Variants in TTBK2 observed in about 807,000 individuals in gnomAD.
TTBK2 encodes the protein tau-tubulin kinase 2.
A neutral mutation model predicts 110.8 loss-of-function variants in TTBK2; 28 were observed. The observed-to-expected ratio is 0.25, with a 90% confidence interval of 0.19 to 0.35. TTBK2 has a LOEUF of 0.35. Among genes scored for constraint, TTBK2 ranks in the 10% least tolerant of loss-of-function variants. TTBK2 has a pLI of 1.00. For synonymous variants in TTBK2, 532 were observed against 527.3 expected (o/e 1.01, Z -0.12); for missense variants, 1,369 against 1,500.3 (o/e 0.91, Z 1.45).
intron 2 of TTBK2, among the ~76,000 whole-genome samples, chr15:42,873,123 T>C (rs2141118538): frequency 6.6e-6 from 1 of 152,244 alleles, no homozygotes; most frequent in South Asian, 2.1e-4. Context: ...AGGAAGACTT[T>C]TTAAACTTTT....
intron 1 of TTBK2, chr15:42,919,720 T>C (rs1206486680): frequency 1.1e-6 from 1 of 883,802 alleles, no homozygotes; most frequent in Non-Finnish European, 1.4e-6. Flanking sequence ...ACCCATCAAC[T>C]TTAATTCAAA....
intron 1 of TTBK2, among the ~76,000 whole-genome samples, chr15:42,888,882 A>G (rs1895346112): frequency 6.6e-6 from 1 of 152,054 alleles, no homozygotes. Flanking sequence ...TCTGTCCCTC[A>G]TGGCCAGTTT....
chr15:42,775,698 T>C lies in TTBK2; in HGVS notation c.1435A>G (p.Ser479Gly), dbSNP rs745797698. Residue 479 changes from serine (S) to glycine (G), a missense_variant, in exon 13 of 15, where the codon AGT becomes GGT. Ser to Gly is a moderately conservative substitution (Grantham distance 56). Around this residue, in one of 4 missense-constraint regions of TTBK2, gnomAD observed 1,097 missense variants for 1,114.7 expected, o/e 0.98. Coordinates refer to ENST00000267890, the MANE Select transcript of TTBK2 (RefSeq NM_173500.4). ...TCLEKMQKDT[S>G]AGKESILPAL... is the part of the protein sequence containing the mutation. ...GGGAGAATAGATTCTTTTCCTGCAC[T>C]GGTATCTTTCTGCATTTTCTCCAGG... is the stretch of plus-strand genomic sequence containing the variant. The C allele has an allele frequency of 6.2e-7, 1 of 1,612,882 alleles. No homozygotes were observed. Among genetic ancestry groups the C allele is most frequent in the Admixed American group, 1.7e-5 (1 of 59,954 alleles).
At chr15:42,898,088 G>A (rs1297255463) in intron 1 of TTBK2, among the ~76,000 whole-genome samples, 1 of 152,134 alleles carries the variant, frequency 6.6e-6, no homozygotes, top group East Asian at 1.9e-4. Flanking sequence ...CTACTTAGGA[G>A]GCTGAGCCAG....
At chr15:42,912,396 C>G (rs1390968494) in intron 1 of TTBK2, among the ~76,000 whole-genome samples, 1 of 152,194 alleles carries the variant, frequency 6.6e-6, no homozygotes, top group East Asian at 1.9e-4. Flanking sequence ...TTATAACTGT[C>G]ATATAGTTTA....
At chr15:42,861,800 A>C (rs1894168475) in intron 3 of TTBK2, among the ~76,000 whole-genome samples, 2 of 152,220 alleles carry the variant, frequency 1.3e-5, no homozygotes, top group African/African-American at 4.8e-5. Context: ...CAATGAAATA[A>C]AGAGCTAATT....
At chr15:42,901,740 T>C (rs2030030538) in intron 1 of TTBK2, among the ~76,000 whole-genome samples, 1 of 151,762 alleles carries the variant, frequency 6.6e-6, no homozygotes. Flanking sequence ...ATATATCTGA[T>C]AAGGGATTAA....
In TTBK2 at chr15:42,751,994, C is replaced by T. The variant is rs770974842; in HGVS notation, c.3252G>A (p.Thr1084=). The stretch of plus-strand genomic sequence containing the variant: ...ATTACCTGGCTTCTACTCCAGGCCT[C>T]GTGGGTGGCTTTCCTGGTGGTGGCC... ...FPRPPPGKPP[T]RPGVEARLRR... Residue 1084 remains threonine (T), a synonymous_variant, in exon 14 of 15, where the codon ACG becomes ACA. Coordinates refer to ENST00000267890, the MANE Select transcript of TTBK2 (RefSeq NM_173500.4). 7 of 1,613,986 alleles carry T rather than the reference C, an allele frequency of 4.3e-6. No individual in the cohort carries two copies. The highest frequency in any genetic ancestry group is 1.7e-5 in the Admixed American group (1 of 59,996).
chr15:42,756,406 T>G (rs1017178781), intron 13 of TTBK2, among the ~76,000 whole-genome samples: 7 of 151,568 alleles, frequency 4.6e-5, no homozygotes, highest in African/African-American at 1.7e-4. Context: ...GCCAACATGG[T>G]GAAACCCTCT....
intron 4 of TTBK2, among the ~76,000 whole-genome samples, chr15:42,837,633 C>T (rs7171705): frequency 0.018 from 2,213 of 123,568 alleles, 62 homozygotes; most frequent in African/African-American, 0.064. Flanking sequence ...CACTCCTGCC[C>T]GGTGACAGAG....
At chr15:42,884,767 C>G (rs1895178062) in intron 1 of TTBK2, among the ~76,000 whole-genome samples, 1 of 152,174 alleles carries the variant, frequency 6.6e-6, no homozygotes, top group African/African-American at 2.4e-5. Context: ...AGTGTCAGGC[C>G]TCTGAGCCCA....
intron 3 of TTBK2, among the ~76,000 whole-genome samples, chr15:42,850,516 G>A (rs1041715029): frequency 2.0e-5 from 3 of 152,154 alleles, no homozygotes; most frequent in Admixed American, 2.0e-4. Flanking sequence ...TGCATTCAGT[G>A]GGAGAGACAG....
chr15:42,748,475 T>C (rs117070020), intron 14 of TTBK2, among the ~76,000 whole-genome samples: 3,719 of 151,542 alleles, frequency 0.025, 84 homozygotes, highest in South Asian at 0.087. Flanking sequence ...AAAAAAAAAC[T>C]AACCCAATAG....
intron 10 of TTBK2, among the ~76,000 whole-genome samples, chr15:42,792,527 A>G (rs1890738595): frequency 6.6e-6 from 1 of 151,846 alleles, no homozygotes; most frequent in African/African-American, 2.4e-5. Context: ...ACTTTTTAGT[A>G]TTTTCCTTAT....
At chr15:42,860,564 G>A (rs1234277678) in intron 3 of TTBK2, among the ~76,000 whole-genome samples, 2 of 151,140 alleles carry the variant, frequency 1.3e-5, no homozygotes, top group Non-Finnish European at 2.9e-5. Flanking sequence ...TGAACTCCTT[G>A]AGCCCAGGAG....
At chr15:42,851,690 G>C (rs1323764182) in intron 3 of TTBK2, among the ~76,000 whole-genome samples, 1 of 151,730 alleles carries the variant, frequency 6.6e-6, no homozygotes, top group African/African-American at 2.4e-5. Flanking sequence ...ATATGTGTGC[G>C]TATATATGTG....
intron 1 of TTBK2, among the ~76,000 whole-genome samples, chr15:42,893,711 A>T (rs1022802484): frequency 6.6e-6 from 1 of 152,002 alleles, no homozygotes; most frequent in Non-Finnish European, 1.5e-5. Flanking sequence ...CTTTATAAAG[A>T]TCAATACAAT....
chr15:42,767,325 G>T (rs1001471652), intron 13 of TTBK2, among the ~76,000 whole-genome samples: 1 of 152,110 alleles, frequency 6.6e-6, no homozygotes, highest in Non-Finnish European at 1.5e-5. Context: ...GAATCCAGGA[G>T]CTGGTTTTTT....
At chr15:42,876,081 C>T (rs762506176) in intron 2 of TTBK2, among the ~76,000 whole-genome samples, 9 of 151,942 alleles carry the variant, frequency 5.9e-5, no homozygotes, top group Non-Finnish European at 1.3e-4. Context: ...ATCCTCTAAC[C>T]AAAACAATCT....
Sources: allele counts gnomAD v4.1 joint callset (sites outside exome capture counted in the v4.1 genomes callset), GRCh38; gene constraint gnomAD v4.1.1; regional missense constraint gnomAD v4.1.1; transcripts MANE v1.5; gene names NCBI Gene and HGNC (gene_info 2026-07-23, HGNC 2026-07-21).